The following ACBD5 variants were observed in gnomAD, a reference collection of about 807,000 sequenced individuals.
ACBD5 encodes the protein acyl-CoA binding domain containing 5, also known as acyl-CoA-binding domain-containing protein 5.
ACBD5 carries 40 observed loss-of-function variants against 71.8 expected under a neutral mutation model. The ratio of observed to expected loss-of-function variants is 0.56; its 90% CI spans 0.43 to 0.72. The LOEUF (loss-of-function observed/expected upper bound fraction) is 0.72. Ranked by LOEUF, ACBD5 falls within the 30% of genes least tolerant of loss-of-function variation. The pLI, the probability that ACBD5 is intolerant of heterozygous loss-of-function variation, is 0.00. For missense variants in ACBD5, 559 were observed against 644.5 expected, an observed-to-expected ratio of 0.87 and a Z score of 1.44; for synonymous variants, 229 against 218.6, an observed-to-expected ratio of 1.05 and a Z score of -0.42.
chr10:27,190,361 G>A (rs553022138), downstream of ACBD5, among the ~76,000 whole-genome samples: 84 of 152,232 alleles, frequency 5.5e-4, no homozygotes, highest in African/African-American at 1.9e-3. Context: ...TTTGAAGAAT[G>A]TCCTGTTTAT....
At chr10:27,233,580 TG>T (rs1206213736) in intron 3 of ACBD5, among the ~76,000 whole-genome samples, 1 of 151,846 alleles carries the variant, frequency 6.6e-6, no homozygotes, top group Non-Finnish European at 1.5e-5. Flanking sequence ...TAGCCGGGTG[TG>T]GTGGCACAAG....
chr10:27,210,926 T>C lies in ACBD5; in HGVS notation c.1092A>G (p.Gly364=). ...CTCCTCCATGCTTGACTTCACCTTT[T>C]CCTTCAACTGCAACCACCTGCATAT... is the stretch of plus-strand genomic sequence containing the variant. ...IGNMQVVAVE[G]KGEVKHGGED... Residue 364 remains glycine, a synonymous_variant, in exon 9 of 13, where the codon GGA becomes GGG. Coordinates refer to ENST00000396271, the MANE Select transcript of ACBD5 (RefSeq NM_145698.5). The C allele has an allele frequency of 6.2e-7, 1 of 1,614,218 alleles. No individual in the cohort carries two copies. The highest frequency in any genetic ancestry group is 2.2e-5 in the East Asian group (1 of 44,884).
chr10:27,217,468 A>G (rs2061792621), intron 7 of ACBD5, among the ~76,000 whole-genome samples: 2 of 149,678 alleles, frequency 1.3e-5, no homozygotes, highest in African/African-American at 5.0e-5. Context: ...AAAAAAAAAA[A>G]AGAGAAAAGA....
chr10:27,196,541 G>C lies in ACBD5; in HGVS notation c.*889C>G. 1 of 382,880 alleles carries C rather than the reference G, an allele frequency of 2.6e-6. No homozygotes were observed. The highest frequency in any genetic ancestry group is 1.6e-5 in the South Asian group (1 of 62,374). The allele number at this position is 382,880 out of a possible 1,614,324, so 23.7% of individuals were successfully genotyped here. Reference sequence around the variant, plus strand: ...TATATAGTTCATCAGTTGCAGAAAAGTGATTTTCGTGTGTTTCCTTTTTGA... The same window carrying C: ...TATATAGTTCATCAGTTGCAGAAAACTGATTTTCGTGTGTTTCCTTTTTGA... On this transcript the variant is annotated 3_prime_UTR_variant, in exon 13 of 13. Transcript: ENST00000396271.
intron 4 of ACBD5, among the ~76,000 whole-genome samples, chr10:27,228,557 A>G (rs1314300910): frequency 4.0e-5 from 6 of 151,830 alleles, no homozygotes; most frequent in African/African-American, 1.2e-4. Context: ...AGCCCAGGCG[A>G]CAGTGCGAGA....
chr10:27,214,182 T>G (rs1391009055), intron 8 of ACBD5, among the ~76,000 whole-genome samples: 1 of 151,946 alleles, frequency 6.6e-6, no homozygotes, highest in Admixed American at 6.6e-5. Flanking sequence ...CACAGCAGAG[T>G]GGCTATAGTC....
At chr10:27,193,046 T>A (rs1022889898), downstream of ACBD5, among the ~76,000 whole-genome samples, 1 of 152,028 alleles carries the variant, frequency 6.6e-6, no homozygotes, top group Non-Finnish European at 1.5e-5. Context: ...TTTCTCTTTT[T>A]TTATGTTTTT....
intron 13 of ACBD5, among the ~76,000 whole-genome samples, chr10:27,189,217 A>G (rs2058950630): frequency 6.6e-6 from 1 of 152,156 alleles, no homozygotes; most frequent in Non-Finnish European, 1.5e-5. Context: ...TTCTCTACAA[A>G]TGTATTGTTC....
chr10:27,240,852 GCGCCGC>G, upstream of ACBD5: 1 of 1,081,358 alleles, frequency 9.2e-7, no homozygotes, highest in Non-Finnish European at 1.3e-6. This position sits in a 1 kb window ranked among gnomAD's most constrained non-coding sequence, Gnocchi z 4.1. Flanking sequence ...GGACCCACTG[GCGCCGC>G]CGCCGCCGCA....
chr10:27,240,928 C>T, upstream of ACBD5: 1 of 615,678 alleles, frequency 1.6e-6, no homozygotes, highest in East Asian at 2.8e-5. The surrounding 1 kb of genome is among the most constrained non-coding windows in gnomAD (Gnocchi z 4.1). Context: ...CGCGCGCGGT[C>T]CGTCTGTCCC....
At chr10:27,205,753 C>T (rs2060412225) in intron 10 of ACBD5, among the ~76,000 whole-genome samples, 1 of 151,730 alleles carries the variant, frequency 6.6e-6, no homozygotes, top group Non-Finnish European at 1.5e-5. Context: ...TGGTCTCGAA[C>T]TCCCGACCTC....
At chr10:27,208,518 C>T in intron 9 of ACBD5, 73 bp from the exon 10 acceptor site, 1 of 1,536,440 alleles carries the variant, frequency 6.5e-7, no homozygotes, top group South Asian at 1.1e-5. Flanking sequence ...TATTCATTTT[C>T]CTCTGTTATT....
At chr10:27,190,738 C>T (rs1241221288), downstream of ACBD5, among the ~76,000 whole-genome samples, 3 of 152,128 alleles carry the variant, frequency 2.0e-5, no homozygotes, top group Non-Finnish European at 4.4e-5. Flanking sequence ...GTGTATTGTA[C>T]GGGACAACAT....
intron 13 of ACBD5, chr10:27,186,697 A>T (rs1377245090): frequency 4.0e-5 from 28 of 691,412 alleles, no homozygotes; most frequent in Non-Finnish European, 6.9e-5. Flanking sequence ...TAAAAGGCTG[A>T]AAGGAATATA....
intron 3 of ACBD5, chr10:27,232,110 T>C (rs2063945096): frequency 2.6e-6 from 1 of 391,094 alleles, no homozygotes; most frequent in Non-Finnish European, 4.7e-6. Flanking sequence ...TTTTATATTA[T>C]TACAAAGAAC....
At chr10:27,224,104 TG>T (rs2062704253) in intron 4 of ACBD5, among the ~76,000 whole-genome samples, 1 of 151,096 alleles carries the variant, frequency 6.6e-6, no homozygotes, top group African/African-American at 2.4e-5. Flanking sequence ...GGCTCACACC[TG>T]TAATCCCAGC....
intron 4 of ACBD5, among the ~76,000 whole-genome samples, chr10:27,229,112 ACAGCCGGC>A (rs1423624501): frequency 2.7e-5 from 4 of 150,718 alleles, no homozygotes; most frequent in Non-Finnish European, 4.4e-5. Flanking sequence ...CTGAGCCACC[ACAGCCGGC>A]GTTAAAAGAA....
At chr10:27,229,774 A>G (rs1431856296) in intron 4 of ACBD5, among the ~76,000 whole-genome samples, 3 of 152,234 alleles carry the variant, frequency 2.0e-5, no homozygotes, top group African/African-American at 7.2e-5. Context: ...ATTTATGGAT[A>G]TCTTGATATT....
At position 27,196,831 on chromosome 10, in the gene ACBD5, T is replaced by TTAA; in HGVS notation, c.*596_*598dup. 2.2e-6 allele frequency: 1 copy of TTAA among 454,122 alleles called. No individual in the cohort carries two copies. The highest frequency in any genetic ancestry group is 1.6e-5 in the South Asian group (1 of 64,470). 28.1% of individuals were successfully genotyped at this position (454,122 alleles called of 1,614,324 possible). ...AGTCTGGTACATAGGACTCCACTTT[T>TTAA]TAATAATGATGCCTGAACACCAAAC... On this transcript the variant is annotated 3_prime_UTR_variant, in exon 13 of 13. Transcript: ENST00000396271.
Sources: gnomAD v4.1 joint callset for allele counts (sites outside exome capture counted in the v4.1 genomes callset) on GRCh38, gnomAD v4.1.1 for gene constraint, Gnocchi (gnomAD v3.1) non-coding constraint, MANE v1.5 for transcripts, NCBI Gene and HGNC (gene_info 2026-07-23, HGNC 2026-07-21) for gene names.